The following PCDHAC2 variants were observed in gnomAD, a reference collection of about 807,000 sequenced individuals.
PCDHAC2 encodes the protein protocadherin alpha subfamily C, 2, also known as protocadherin alpha-C2.
In PCDHAC2, 24 loss-of-function variants were observed where a neutral mutation model predicts 63.3. The ratio of observed to expected loss-of-function variants is 0.38; its 90% CI spans 0.27 to 0.53. The LOEUF (loss-of-function observed/expected upper bound fraction) is 0.53. PCDHAC2 is among the 20% of genes least tolerant of loss of function. The probability of loss-of-function intolerance (pLI) is 0.81; values close to 1 mark genes in which losing one functional copy is unlikely to be tolerated. For synonymous variants in PCDHAC2, 569 were observed against 529.4 expected, an observed-to-expected ratio of 1.07 and a Z score of -1.03; for missense variants, 1,181 against 1,275.2, an observed-to-expected ratio of 0.93 and a Z score of 1.12.
At chr5:141,000,410 TATATA>T in intron 3 of PCDHAC2, among the ~76,000 whole-genome samples, 1 of 101,974 alleles carries the variant, frequency 9.8e-6, no homozygotes, top group African/African-American at 3.9e-5. Context: ...TATATATATA[TATATA>T]TATATATTTT....
intron 2 of PCDHAC2, among the ~76,000 whole-genome samples, chr5:140,982,016 A>C (rs2096962660): frequency 6.6e-6 from 1 of 152,260 alleles, no homozygotes; most frequent in African/African-American, 2.4e-5. Context: ...TTAGATAGCC[A>C]AATTGGAACA....
At chr5:141,007,522 C>T (rs1475001472) in intron 3 of PCDHAC2, among the ~76,000 whole-genome samples, 1 of 151,940 alleles carries the variant, frequency 6.6e-6, no homozygotes, top group Non-Finnish European at 1.5e-5. Context: ...GAGCTGATAT[C>T]TCGCCACTGC....
At chr5:140,971,096 A>G (rs1240805149) in intron 1 of PCDHAC2, among the ~76,000 whole-genome samples, 1 of 152,180 alleles carries the variant, frequency 6.6e-6, no homozygotes, top group African/African-American at 2.4e-5. Context: ...ATTCTTGTGA[A>G]GCCCTTTGGG....
intron 1 of PCDHAC2, among the ~76,000 whole-genome samples, chr5:140,975,853 C>T (rs1419464318): frequency 6.6e-6 from 1 of 152,126 alleles, no homozygotes; most frequent in African/African-American, 2.4e-5. Context: ...AATACTACAT[C>T]ACCCATATGG....
chr5:140,978,868 G>C (rs2096826928), intron 1 of PCDHAC2, 81 bp from the exon 2 acceptor site: 2 of 1,606,078 alleles, frequency 1.2e-6, no homozygotes, highest in Non-Finnish European at 1.7e-6. Context: ...ATATTTAAGG[G>C]AGTAACTAAT....
Position 140,968,677 on chromosome 5 carries a change from G to A in PCDHAC2, c.1911G>A (p.Leu637=), listed in dbSNP as rs781795184. The A allele has an allele frequency of 5.0e-6, 8 of 1,614,156 alleles. No individual in the cohort carries two copies. In the South Asian group the frequency reaches 8.8e-5, roughly 18 times the overall value. The part of the protein sequence containing the change: ...TSDLDLFKVE[L]HTGEIRTTRK... ...ACCTGGACCTCTTTAAGGTAGAGCTGCACACAGGAGAAATTAGGACTACCA... is the reference window on the plus strand; with the variant it reads ...ACCTGGACCTCTTTAAGGTAGAGCTACACACAGGAGAAATTAGGACTACCA... The change falls in exon 1 of 4, where the codon CTG becomes CTA. Residue 637 remains leucine (L), a synonymous_variant. Coordinates refer to ENST00000289269, the MANE Select transcript of PCDHAC2 (RefSeq NM_018899.6).
Position 140,969,240 on chromosome 5 carries a change from C to T in PCDHAC2, c.2474C>T (p.Ala825Val). Residue 825 changes from alanine to valine, a missense_variant, in exon 1 of 4, where the codon GCA (alanine) becomes GTA (valine). Ala to Val is a moderately conservative substitution (Grantham distance 64). Around this residue, in one of 3 missense-constraint regions of PCDHAC2, gnomAD observed 968 missense variants for 1,073.5 expected, o/e 0.90. Coordinates refer to ENST00000289269, the MANE Select transcript of PCDHAC2 (RefSeq NM_018899.6). Reference protein sequence around the residue: ...TGPGPSGAQAAVTDSRNLTGQ... With the variant: ...TGPGPSGAQAVVTDSRNLTGQ... ...CCAGGGCCTTCGGGAGCCCAAGCAG[C>T]AGTGACTGACAGCAGGAATCTCACA... The T allele has an allele frequency of 6.2e-7, 1 of 1,614,198 alleles. No homozygotes were observed. Among genetic ancestry groups the T allele is most frequent in the South Asian group, 1.1e-5 (1 of 91,082 alleles).
chr5:140,990,825 AAGCCTATTAGCAAAAATAG>A (rs2097418390), intron 3 of PCDHAC2, among the ~76,000 whole-genome samples: 1 of 152,202 alleles, frequency 6.6e-6, no homozygotes, highest in Non-Finnish European at 1.5e-5. Flanking sequence ...CTCTCAGCTA[AAGCCTATTAGCAAAAATAG>A]AGCCCTGAGG....
chr5:140,992,393 A>C (rs2097508684), intron 3 of PCDHAC2, among the ~76,000 whole-genome samples: 1 of 152,180 alleles, frequency 6.6e-6, no homozygotes, highest in South Asian at 2.1e-4. Context: ...TTCTGGACTT[A>C]GAGATATTGT....
intron 2 of PCDHAC2, among the ~76,000 whole-genome samples, chr5:140,981,521 C>T (rs894639773): frequency 1.3e-5 from 2 of 152,208 alleles, no homozygotes; most frequent in South Asian, 4.1e-4. Flanking sequence ...TTGCAGTGAG[C>T]TGAGATCGTG....
Position 140,967,046 on chromosome 5 carries a change from C to G in PCDHAC2, c.280C>G (p.Leu94Val). ...APSPRYLELD[L>V]TSGALFVNER... Reference sequence around the variant, plus strand: ...CAGTCCGCGCTACCTGGAGCTGGACCTGACGAGTGGAGCGCTCTTCGTCAA... The same window carrying G: ...CAGTCCGCGCTACCTGGAGCTGGACGTGACGAGTGGAGCGCTCTTCGTCAA... The change falls in exon 1 of 4, where the codon CTG becomes GTG. Residue 94 changes from leucine (L) to valine (V), a missense_variant. This residue lies in a region of PCDHAC2 where 210 missense variants were observed against 184.9 expected (regional missense o/e 1.14). Transcript: ENST00000289269. The G allele has an allele frequency of 6.2e-7, 1 of 1,612,334 alleles. No individual in the cohort carries two copies. Among genetic ancestry groups the G allele is most frequent in the Non-Finnish European group, 8.5e-7 (1 of 1,179,584 alleles).
At chr5:140,993,509 C>T (rs930990761) in intron 3 of PCDHAC2, among the ~76,000 whole-genome samples, 23 of 143,490 alleles carry the variant, frequency 1.6e-4, no homozygotes, top group Admixed American at 3.5e-4. Context: ...CACACACACA[C>T]GGGGAGAGAG....
chr5:140,988,418 G>T (rs1372180292), intron 3 of PCDHAC2, among the ~76,000 whole-genome samples: 2 of 152,150 alleles, frequency 1.3e-5, no homozygotes, highest in Non-Finnish European at 2.9e-5. Context: ...CTTATGTAAA[G>T]AATTTGTTTG....
chr5:140,996,217 T>C (rs2097717491), intron 3 of PCDHAC2, among the ~76,000 whole-genome samples: 1 of 152,192 alleles, frequency 6.6e-6, no homozygotes, highest in South Asian at 2.1e-4. Context: ...TCACTACTTG[T>C]CTAGAAATGG....
rs2096032297 is a variant in PCDHAC2, at chr5:140,966,646, G to T, written c.-121G>T. On this transcript the variant is annotated 5_prime_UTR_variant, in exon 1 of 4. Transcript: ENST00000289269. ...AGCGGCCCCAGGCGCTTTCTAGAGC[G>T]TGAGCGGTGGGGGAGCAGGCGCAGG... 4.4e-6 allele frequency: 5 copies of T among 1,139,570 alleles called. No homozygotes were observed. The highest frequency in any genetic ancestry group is 4.6e-6 in the Non-Finnish European group (4 of 865,560). The allele number at this position is 1,139,570 out of a possible 1,614,324, so 70.6% of individuals were successfully genotyped here.
chr5:140,988,622 ATGTCCTGGTTTTC>A (rs2097306090), intron 3 of PCDHAC2, among the ~76,000 whole-genome samples: 1 of 152,124 alleles, frequency 6.6e-6, no homozygotes, highest in Non-Finnish European at 1.5e-5. Context: ...TAGAATGGAG[ATGTCCTGGTTTTC>A]TGAAATTAAA....
chr5:140,978,506 C>T (rs914101151), intron 1 of PCDHAC2, among the ~76,000 whole-genome samples: 22 of 152,244 alleles, frequency 1.4e-4, no homozygotes, highest in African/African-American at 4.1e-4. Context: ...GATTGCAGTC[C>T]TCTGCAGTCC....
intron 1 of PCDHAC2, among the ~76,000 whole-genome samples, chr5:140,974,018 T>C (rs2096611642): frequency 1.3e-5 from 2 of 152,222 alleles, no homozygotes; most frequent in Non-Finnish European, 1.5e-5. Context: ...CATGTGATAA[T>C]ACAACTATAA....
Position 140,968,908 on chromosome 5 carries a change from A to G in PCDHAC2, c.2142A>G (p.Thr714=). 6.2e-7 allele frequency: 1 copy of G among 1,614,182 alleles called. No homozygotes were observed. The highest frequency in any genetic ancestry group is 8.5e-7 in the Non-Finnish European group (1 of 1,180,022). ...ITLYLIIALS[T]VSFIFLLTII... is the part of the protein sequence containing the mutation. Reference sequence around the variant, plus strand: ...TTTATCTAATAATAGCATTAAGCACAGTGTCTTTTATATTTCTTTTGACAA... The same window carrying G: ...TTTATCTAATAATAGCATTAAGCACGGTGTCTTTTATATTTCTTTTGACAA... The change falls in exon 1 of 4, where the codon ACA becomes ACG. Residue 714 remains threonine, a synonymous_variant. Coordinates refer to ENST00000289269, the MANE Select transcript of PCDHAC2 (RefSeq NM_018899.6).
Sources: gnomAD v4.1 joint callset for allele counts (sites outside exome capture counted in the v4.1 genomes callset) on GRCh38, gnomAD v4.1.1 for gene constraint, gnomAD v4.1.1 regional missense constraint, MANE v1.5 for transcripts, NCBI Gene and HGNC (gene_info 2026-07-23, HGNC 2026-07-21) for gene names.